TNFSF4: variants seen among roughly 807,000 people sequenced by gnomAD.
The protein encoded by TNFSF4 is tumor necrosis factor ligand superfamily member 4.
A neutral mutation model predicts 7.3 loss-of-function variants in TNFSF4; 4 were observed. The observed-to-expected ratio is 0.55, with a 90% CI of 0.27 to 1.25. The LOEUF is 1.25. Among genes scored for constraint, TNFSF4 ranks in the 50% most tolerant of loss-of-function variants. TNFSF4 has a pLI of 0.12. For missense variants in TNFSF4, 181 were observed against 208.8 expected (o/e 0.87, Z 0.82); for synonymous variants, 76 against 83.7 (o/e 0.91, Z 0.50).
chr1:173,388,373 T>A, the TNFSF4 span, among the ~76,000 whole-genome samples: 1 of 152,256 alleles, frequency 6.6e-6, no homozygotes, highest in Non-Finnish European at 1.5e-5. Context: ...TTTGACACAG[T>A]GGCCCATGCA....
At chr1:173,245,820 A>G in the TNFSF4 span, among the ~76,000 whole-genome samples, 1 of 152,182 alleles carries the variant, frequency 6.6e-6, no homozygotes, top group Non-Finnish European at 1.5e-5. Context: ...TAGATTCCGC[A>G]TATGAGTGAG....
chr1:173,403,048 C>G, the TNFSF4 span, among the ~76,000 whole-genome samples: 2 of 152,054 alleles, frequency 1.3e-5, no homozygotes, highest in African/African-American at 2.4e-5. Flanking sequence ...GATGGTATCT[C>G]CCTATGTTGC....
the TNFSF4 span, among the ~76,000 whole-genome samples, chr1:173,281,876 C>T: frequency 1.3e-5 from 2 of 152,284 alleles, no homozygotes; most frequent in African/African-American, 4.8e-5. Context: ...AACTAAGACA[C>T]AGAGAGAATA....
At position 173,186,678 on chromosome 1, in the gene TNFSF4, C is replaced by A. The variant is rs760748211; in HGVS notation, c.390G>T (p.Lys130Asn). ...TCAAGGAGTTGACAGACCTGACCTT[C>A]TTCAGTTGGAAGAGGGGCTCCTCAT... ...QKDEEPLFQL[K>N]KVRSVNSLMV... The change falls in exon 3 of 3, where the codon AAG becomes AAT. Residue 130 changes from lysine (K) to asparagine (N), a missense_variant. Lys to Asn is a moderately conservative substitution (Grantham distance 94, BLOSUM62 0). Coordinates refer to ENST00000281834, the MANE Select transcript of TNFSF4 (RefSeq NM_003326.5). 18 of 1,614,042 alleles carry A rather than the reference C, an allele frequency of 1.1e-5. No homozygotes were observed. The highest frequency in any genetic ancestry group is 1.0e-5 in the Non-Finnish European group (12 of 1,180,026).
chr1:173,446,363 G>A, the TNFSF4 span, among the ~76,000 whole-genome samples: 1 of 152,142 alleles, frequency 6.6e-6, no homozygotes, highest in Non-Finnish European at 1.5e-5. Flanking sequence ...AAAAACATAT[G>A]TCCACACAAA....
At chr1:173,374,679 C>A in the TNFSF4 span, among the ~76,000 whole-genome samples, 1 of 152,168 alleles carries the variant, frequency 6.6e-6, no homozygotes, top group African/African-American at 2.4e-5. Context: ...CCTCTCTTTG[C>A]CCCTTTACTG....
At chr1:173,446,448 G>A in the TNFSF4 span, among the ~76,000 whole-genome samples, 1 of 152,164 alleles carries the variant, frequency 6.6e-6, no homozygotes, top group African/African-American at 2.4e-5. Flanking sequence ...CTGTCCTTCA[G>A]TAAGTGAATG....
At chr1:173,198,467 C>G (rs1649800484) in intron 1 of TNFSF4, among the ~76,000 whole-genome samples, 1 of 152,182 alleles carries the variant, frequency 6.6e-6, no homozygotes. Context: ...AGCAGCAGGC[C>G]TCTTTTTCCC....
chr1:173,235,492 C>G, the TNFSF4 span, among the ~76,000 whole-genome samples: 10 of 152,202 alleles, frequency 6.6e-5, no homozygotes, highest in Admixed American at 2.6e-4. Flanking sequence ...TGATTTATTT[C>G]CCTTACTATG....
the TNFSF4 span, among the ~76,000 whole-genome samples, chr1:173,412,226 A>G: frequency 6.6e-6 from 1 of 152,154 alleles, no homozygotes; most frequent in Admixed American, 6.5e-5. Flanking sequence ...TATAGTAAAT[A>G]GACAGTGCCT....
chr1:173,337,058 T>A, the TNFSF4 span, among the ~76,000 whole-genome samples: 9 of 152,136 alleles, frequency 5.9e-5, no homozygotes, highest in Admixed American at 2.6e-4. Context: ...TAAAAGCTAA[T>A]CTGCTATTGA....
the TNFSF4 span, among the ~76,000 whole-genome samples, chr1:173,238,614 CA>C: frequency 6.6e-6 from 1 of 151,872 alleles, no homozygotes; most frequent in Non-Finnish European, 1.5e-5. Context: ...AGACACTTTT[CA>C]AAAGAAGACA....
chr1:173,228,281 G>T, the TNFSF4 span, among the ~76,000 whole-genome samples: 1 of 152,232 alleles, frequency 6.6e-6, no homozygotes, highest in African/African-American at 2.4e-5. Flanking sequence ...AATATTCGCT[G>T]TTCTGCAGCC....
chr1:173,304,019 T>C, the TNFSF4 span, among the ~76,000 whole-genome samples: 3 of 151,920 alleles, frequency 2.0e-5, no homozygotes, highest in Non-Finnish European at 1.5e-5. Context: ...TCCTGTCCAG[T>C]TTTAACTGCC....
the TNFSF4 span, among the ~76,000 whole-genome samples, chr1:173,218,459 G>A: frequency 5.9e-5 from 9 of 152,188 alleles, no homozygotes; most frequent in South Asian, 6.2e-4. Context: ...CAGTGGGAAA[G>A]CCAACTCAGT....
chr1:173,398,751 A>G, the TNFSF4 span, among the ~76,000 whole-genome samples: 1 of 152,188 alleles, frequency 6.6e-6, no homozygotes, highest in African/African-American at 2.4e-5. Flanking sequence ...TTCTAGGGGT[A>G]CAGTGGTATG....
At chr1:173,385,226 C>G in the TNFSF4 span, among the ~76,000 whole-genome samples, 4 of 152,282 alleles carry the variant, frequency 2.6e-5, no homozygotes, top group South Asian at 6.2e-4. Flanking sequence ...TGAAATTCTA[C>G]CAACTAGTGG....
At chr1:173,409,124 C>T in the TNFSF4 span, among the ~76,000 whole-genome samples, 1 of 152,008 alleles carries the variant, frequency 6.6e-6, no homozygotes, top group Non-Finnish European at 1.5e-5. Flanking sequence ...AAAAGCATTA[C>T]CTAAATCTAA....
chr1:173,352,958 T>TA, the TNFSF4 span, among the ~76,000 whole-genome samples: 1 of 152,208 alleles, frequency 6.6e-6, no homozygotes, highest in Non-Finnish European at 1.5e-5. Flanking sequence ...ATATTTCTCT[T>TA]ACCCATTTTT....
Sources: allele counts gnomAD v4.1 joint callset (sites outside exome capture counted in the v4.1 genomes callset), GRCh38; gene constraint gnomAD v4.1.1; transcripts MANE v1.5; gene names NCBI Gene and HGNC (gene_info 2026-07-23, HGNC 2026-07-21).